The following MS4A18 variants were observed in gnomAD, a reference collection of about 807,000 sequenced individuals.
MS4A18 encodes membrane-spanning 4-domains subfamily A member 18.
Under a neutral mutation model 13.1 loss-of-function variants are expected in MS4A18, and 27 were observed. That is an observed-to-expected ratio of 2.06 (90% CI 1.52 to 2.84). The LOEUF (loss-of-function observed/expected upper bound fraction) is 2.84, where lower values mean the gene tolerates loss of function less well. Ranked by LOEUF, MS4A18 falls within the 30% of genes most tolerant of loss-of-function variation. MS4A18 has a pLI of 0.00. For synonymous variants in MS4A18, 126 were observed against 76.5 expected, an observed-to-expected ratio of 1.65 and a Z score of -3.38; for missense variants, 307 against 196.4, an observed-to-expected ratio of 1.56 and a Z score of -3.37.
At chr11:60,744,488 C>T (rs75976166), downstream of MS4A18, among the ~76,000 whole-genome samples, 2,052 of 151,922 alleles carry the variant, frequency 0.014, 116 homozygotes, top group Admixed American at 0.1. Flanking sequence ...AAACAAGACA[C>T]CAAAAATACA....
At chr11:60,728,534 T>C (rs1055282970), upstream of MS4A18, among the ~76,000 whole-genome samples, 2 of 151,356 alleles carry the variant, frequency 1.3e-5, no homozygotes, top group African/African-American at 4.9e-5. Context: ...TGTGTCTGTG[T>C]ATCTGTCTTC....
intron 1 of MS4A18, among the ~76,000 whole-genome samples, chr11:60,731,681 A>G (rs139660599): frequency 2.0e-5 from 3 of 152,338 alleles, no homozygotes; most frequent in Non-Finnish European, 4.4e-5. Context: ...GTCAAATCCT[A>G]GAAAACGTAG....
At chr11:60,734,595 T>C (rs1389184546) in intron 2 of MS4A18, among the ~76,000 whole-genome samples, 2 of 151,980 alleles carry the variant, frequency 1.3e-5, no homozygotes, top group African/African-American at 4.8e-5. Context: ...CAATTCCACT[T>C]AGATGAGGTC....
chr11:60,729,919 G>T, intron 1 of MS4A18, 133 bp downstream of exon 2: 1 of 601,876 alleles, frequency 1.7e-6, no homozygotes, highest in South Asian at 2.0e-5. Flanking sequence ...GTTTCTGGAG[G>T]CTGGACCCAG....
At chr11:60,734,417 T>C (rs1192094192) in intron 2 of MS4A18, among the ~76,000 whole-genome samples, 1 of 152,170 alleles carries the variant, frequency 6.6e-6, no homozygotes, top group Non-Finnish European at 1.5e-5. Context: ...AAGTTGGCCA[T>C]GTTGGGTATA....
chr11:60,725,964 C>G (rs78420437), upstream of MS4A18, among the ~76,000 whole-genome samples: 2,161 of 152,268 alleles, frequency 0.014, 47 homozygotes, highest in African/African-American at 0.05. Flanking sequence ...CAAGGAATGT[C>G]AAGGTCTAAT....
upstream of MS4A18, chr11:60,729,206 C>T: frequency 3.2e-6 from 2 of 620,748 alleles, no homozygotes; most frequent in Non-Finnish European, 5.8e-6. Flanking sequence ...CTAGGTGATT[C>T]TTATTTTAAT....
chr11:60,737,914 AGT>A (rs944416399), intron 3 of MS4A18, among the ~76,000 whole-genome samples: 3 of 152,180 alleles, frequency 2.0e-5, no homozygotes, highest in African/African-American at 7.2e-5. Flanking sequence ...GGAAGAGCAG[AGT>A]CCTCCAGACA....
chr11:60,734,035 G>A (rs1326562436), intron 2 of MS4A18, among the ~76,000 whole-genome samples: 1 of 152,120 alleles, frequency 6.6e-6, no homozygotes, highest in African/African-American at 2.4e-5. Flanking sequence ...CTTGGGGTCA[G>A]GAGTTTGAGA....
chr11:60,735,661 C>CTTTTTTTTTTTT (rs1167113182), intron 2 of MS4A18, among the ~76,000 whole-genome samples: 2 of 90,110 alleles, frequency 2.2e-5, no homozygotes, highest in African/African-American at 1.0e-4. Context: ...CATTCCCTTG[C>CTTTTTTTTTTTT]TTTTTTTTTT....
At chr11:60,743,073 C>T (rs763587244) in intron 5 of MS4A18, among the ~76,000 whole-genome samples, 3 of 152,218 alleles carry the variant, frequency 2.0e-5, no homozygotes, top group African/African-American at 4.8e-5. Flanking sequence ...GCTTCTCCAG[C>T]GCCACCTGCC....
rs117334025 is a variant in MS4A18, at chr11:60,740,508, A to C, written c.745-522A>C. On this transcript the variant is annotated intron_variant, in intron 4 of 5. Transcript: ENST00000529108. ...GAGCCAGACAGAGCTAAGGACCCTG[A>C]CCTAGCTGGTGTCTATCCCCTGGCC... 4.7e-3 allele frequency among the ~76,000 whole-genome samples: 711 copies of C among 152,244 alleles called. 5 individuals carry two copies. The highest frequency in any genetic ancestry group is 0.01 in the Middle Eastern group (3 of 294).
chr11:60,743,547 G>C, intron 5 of MS4A18, 103 bp from the exon 7 acceptor site: 2 of 636,374 alleles, frequency 3.1e-6, no homozygotes, highest in Non-Finnish European at 5.6e-6. Context: ...CAGGGAGAGA[G>C]GGTCTACCTA....
chr11:60,730,204 A>T (rs890862463), intron 1 of MS4A18, among the ~76,000 whole-genome samples: 2 of 152,196 alleles, frequency 1.3e-5, no homozygotes, highest in Non-Finnish European at 2.9e-5. Context: ...GAATAAGAAG[A>T]TTCAGCTTTC....
chr11:60,741,250 G>A (rs970979589), intron 5 of MS4A18, 107 bp downstream of exon 6: 31 of 689,416 alleles, frequency 4.5e-5, no homozygotes, highest in Middle Eastern at 4.7e-4. Context: ...GAGAGAGGGT[G>A]TATCAGTTAA....
chr11:60,729,904 G>T lies in MS4A18; in HGVS notation c.477+112G>T, dbSNP rs1853228507. On this transcript the variant is annotated intron_variant, in intron 1 of 5. Coordinates refer to ENST00000529108, the Ensembl canonical transcript of MS4A18. ...AAAGGGGAGGTGGAGTGGGTGTGGG[G>T]GGCAGTTTCTGGAGGCTGGACCCAG... The T allele has an allele frequency of 5.0e-6, 3 of 604,924 alleles. No homozygotes were observed. In the South Asian group the frequency reaches 5.9e-5, roughly 12 times the overall value. The allele number at this position is 604,924 out of a possible 1,614,324, so 37.5% of individuals were successfully genotyped here.
chr11:60,734,548 G>A (rs1853307158), intron 2 of MS4A18, among the ~76,000 whole-genome samples: 1 of 152,144 alleles, frequency 6.6e-6, no homozygotes, highest in Non-Finnish European at 1.5e-5. Context: ...ATCTTGCAGA[G>A]CTTAAATAAT....
intron 3 of MS4A18, among the ~76,000 whole-genome samples, chr11:60,737,455 T>G (rs1853359092): frequency 6.6e-6 from 1 of 152,240 alleles, no homozygotes; most frequent in South Asian, 2.1e-4. Context: ...CGAAAATGTG[T>G]GTGCATCTCG....
intron 1 of MS4A18, among the ~76,000 whole-genome samples, chr11:60,731,094 T>TA (rs916681454): frequency 1.3e-4 from 20 of 150,678 alleles, no homozygotes; most frequent in Admixed American, 4.0e-4. Flanking sequence ...ACTCAGTCTT[T>TA]AAAAAAAAAG....
Sources: gnomAD v4.1 joint callset for allele counts (sites outside exome capture counted in the v4.1 genomes callset) on GRCh38, gnomAD v4.1.1 for gene constraint, MANE v1.5 for transcripts, NCBI Gene and HGNC (gene_info 2026-07-23, HGNC 2026-07-21) for gene names.